Variants in TRPM7 observed in about 807,000 individuals in gnomAD.
TRPM7 encodes the protein LTRPC ion channel family member 7.
In TRPM7, 134 loss-of-function variants were observed where a neutral mutation model predicts 229.7. The ratio of observed to expected loss-of-function variants is 0.58; its 90% CI spans 0.51 to 0.67. The LOEUF (loss-of-function observed/expected upper bound fraction) is 0.67. Among genes scored for constraint, TRPM7 ranks in the 30% least tolerant of loss-of-function variants. TRPM7 has a pLI of 0.00. For synonymous variants in TRPM7, 699 were observed against 715.2 expected, an observed-to-expected ratio of 0.98 and a Z score of 0.36; for missense variants, 1,901 against 2,210.0, an observed-to-expected ratio of 0.86 and a Z score of 2.80.
At chr15:50,678,254 A>AC (rs1463406236) in intron 1 of TRPM7, among the ~76,000 whole-genome samples, 1 of 134,634 alleles carries the variant, frequency 7.4e-6, no homozygotes, top group Non-Finnish European at 1.7e-5. Context: ...AAAAAAAACA[A>AC]AAACAAAAAC....
intron 22 of TRPM7, 139 bp downstream of exon 22, chr15:50,598,983 G>A (rs1435589218): frequency 1.6e-6 from 1 of 618,658 alleles, no homozygotes; most frequent in Non-Finnish European, 2.7e-6. Flanking sequence ...TGTTTCTTCT[G>A]GAGTTCACTA....
Position 50,581,973 on chromosome 15 carries a change from G to A in TRPM7, c.4558-1065C>T, listed in dbSNP as rs558719230. 1.1e-4 allele frequency among the ~76,000 whole-genome samples: 16 copies of A among 151,818 alleles called. No homozygotes were observed. In the East Asian group the frequency reaches 1.7e-3, roughly 17 times the overall value. ...TGTTAATTAACTCCCACTGAGTGGG[G>A]TTTTTTTGAGATGGAGTTTCACTCT... On this transcript the variant is annotated intron_variant, in intron 29 of 38. Transcript: ENST00000646667.
intron 22 of TRPM7, among the ~76,000 whole-genome samples, chr15:50,598,030 G>A (rs1359365199): frequency 6.6e-5 from 10 of 151,930 alleles, no homozygotes; most frequent in Non-Finnish European, 1.2e-4. Context: ...TTTAACTACC[G>A]CCCAAGAACA....
chr15:50,649,816 T>C (rs1188326579), intron 3 of TRPM7, among the ~76,000 whole-genome samples: 6 of 151,922 alleles, frequency 3.9e-5, no homozygotes, highest in Non-Finnish European at 5.9e-5. Context: ...CAGCTAGAGT[T>C]TGTGAGGTAG....
At chr15:50,593,967 T>C (rs1283016979) in intron 24 of TRPM7, among the ~76,000 whole-genome samples, 1 of 152,212 alleles carries the variant, frequency 6.6e-6, no homozygotes. Flanking sequence ...TTCCTCCTCC[T>C]CTTCTGATTT....
intron 12 of TRPM7, among the ~76,000 whole-genome samples, chr15:50,621,154 T>A: frequency 2.7e-5 from 2 of 74,272 alleles, no homozygotes; most frequent in African/African-American, 1.2e-4. Context: ...CGAGACTCCG[T>A]CTCAAAAAAA....
chr15:50,643,489 T>C lies in TRPM7; in HGVS notation c.386A>G (p.Gln129Arg). The change falls in exon 5 of 39, where the codon CAA becomes CGA. Residue 129 changes from glutamine (Q) to arginine (R), a missense_variant. Physicochemically the swap from Gln to Arg is conservative, Grantham distance 43. This residue lies in a region of TRPM7 where 794 missense variants were observed against 881.9 expected (regional missense o/e 0.90). Coordinates refer to ENST00000646667, the MANE Select transcript of TRPM7 (RefSeq NM_017672.6). ...GATAACAAGTTTGGGTAACTCCATT[T>C]GCCATTCTTTAAGCAGAAGTTGCAG... is the stretch of plus-strand genomic sequence containing the variant. ...VILQLLLKEWQMELPKLVISV... is the reference protein window; with the variant it reads ...VILQLLLKEWRMELPKLVISV... 6.2e-7 allele frequency: 1 copy of C among 1,614,180 alleles called. No individual in the cohort carries two copies. The highest frequency in any genetic ancestry group is 8.5e-7 in the Non-Finnish European group (1 of 1,180,048).
chr15:50,664,028 G>A (rs1966061), intron 1 of TRPM7, among the ~76,000 whole-genome samples: 22,044 of 151,940 alleles, frequency 0.15, 2,193 homozygotes, highest in Admixed American at 0.28. Flanking sequence ...GGCCGCGTGC[G>A]GTGGCTCACA....
chr15:50,562,223 T>G (rs916497673), intron 38 of TRPM7, among the ~76,000 whole-genome samples: 1 of 152,166 alleles, frequency 6.6e-6, no homozygotes, highest in Non-Finnish European at 1.5e-5. Context: ...AATCAATTTT[T>G]CTCCAAACAT....
intron 38 of TRPM7, among the ~76,000 whole-genome samples, chr15:50,564,248 A>AAAAATAAAAATAAAATAAATAAAAT: frequency 8.0e-6 from 1 of 124,808 alleles, no homozygotes; most frequent in African/African-American, 3.4e-5. Context: ...GACTGTCTCA[A>AAAAATAAAAATAAAATAAATAAAAT]AAAATAAAAT....
intron 11 of TRPM7, among the ~76,000 whole-genome samples, 156 bp from the exon 12 acceptor site, chr15:50,624,456 T>C (rs1335327950): frequency 6.6e-6 from 1 of 152,204 alleles, no homozygotes; most frequent in Non-Finnish European, 1.5e-5. Flanking sequence ...AATAAGACTT[T>C]AGGTGTTTAG....
chr15:50,578,289 T>A (rs998905173), intron 31 of TRPM7, among the ~76,000 whole-genome samples: 1 of 152,168 alleles, frequency 6.6e-6, no homozygotes, highest in Non-Finnish European at 1.5e-5. Context: ...AGGAAGTAAA[T>A]GCAATAGGAC....
intron 4 of TRPM7, among the ~76,000 whole-genome samples, chr15:50,646,627 TA>T (rs1198876149): frequency 1.3e-5 from 2 of 152,168 alleles, no homozygotes; most frequent in African/African-American, 4.8e-5. Flanking sequence ...TTTAGGGGTT[TA>T]AAACAGAAAA....
rs142021024 is a variant in TRPM7, at chr15:50,672,815, C to A, written c.4-9769G>T. ...ATCCCAGCTACTCAGGAGGCTGAGG[C>A]AGGAGAATCGCTTGAACCAGGGAAG... On this transcript the variant is annotated intron_variant, in intron 1 of 38. Transcript: ENST00000646667. 8.9e-5 allele frequency among the ~76,000 whole-genome samples: 12 copies of A among 134,364 alleles called. No homozygotes were observed. In the South Asian group the frequency reaches 1.6e-3, roughly 18 times the overall value. The allele number at this position is 134,364 out of a possible 152,430, so 88.1% of individuals were successfully genotyped here. A position where few individuals can be genotyped will look rare whatever the true frequency, so the allele number is the denominator to read the frequency against.
At chr15:50,655,440 A>G (rs954378450) in intron 3 of TRPM7, among the ~76,000 whole-genome samples, 2 of 148,950 alleles carry the variant, frequency 1.3e-5, no homozygotes, top group African/African-American at 4.9e-5. Context: ...CTCAAAGGAA[A>G]AAAAAAACAA....
chr15:50,675,132 C>T (rs1297628274), intron 1 of TRPM7, among the ~76,000 whole-genome samples: 1 of 152,144 alleles, frequency 6.6e-6, no homozygotes, highest in African/African-American at 2.4e-5. Flanking sequence ...CACCTGAGGT[C>T]AGGAGTTTGA....
intron 24 of TRPM7, among the ~76,000 whole-genome samples, 198 bp downstream of exon 24, chr15:50,594,231 A>C (rs1185742438): frequency 6.6e-6 from 1 of 152,222 alleles, no homozygotes; most frequent in African/African-American, 2.4e-5. Flanking sequence ...CCATTCTCAT[A>C]ACGAAGTTTA....
At chr15:50,665,125 C>G (rs1355460458) in intron 1 of TRPM7, among the ~76,000 whole-genome samples, 1 of 152,112 alleles carries the variant, frequency 6.6e-6, no homozygotes, top group East Asian at 1.9e-4. Context: ...AATCATGGGT[C>G]AGGCCCAGTG....
intron 12 of TRPM7, 74 bp downstream of exon 12, chr15:50,624,092 T>G (rs1326903780): frequency 9.2e-6 from 13 of 1,419,388 alleles, no homozygotes; most frequent in Non-Finnish European, 1.2e-5. Context: ...TCAATAGGAA[T>G]GGCTATATTC....
Sources: gnomAD v4.1 joint callset for allele counts (sites outside exome capture counted in the v4.1 genomes callset) on GRCh38, gnomAD v4.1.1 for gene constraint, gnomAD v4.1.1 regional missense constraint, MANE v1.5 for transcripts, NCBI Gene and HGNC (gene_info 2026-07-23, HGNC 2026-07-21) for gene names.